HYCC1: variants seen among roughly 807,000 people sequenced by gnomAD.
HYCC1 encodes hyccin.
chr7:22,980,029 G>A, the HYCC1 span, among the ~76,000 whole-genome samples: 2 of 152,066 alleles, frequency 1.3e-5, no homozygotes, highest in African/African-American at 4.8e-5. Context: ...ACTTTCCACA[G>A]AAGGAAACTA....
the HYCC1 span, chr7:22,978,535 G>A: frequency 2.7e-6 from 3 of 1,113,794 alleles, no homozygotes; most frequent in South Asian, 4.1e-5. Flanking sequence ...TTCTCAGATT[G>A]GTAAAAATCA....
At chr7:22,897,334 T>C in the HYCC1 span, among the ~76,000 whole-genome samples, 1 of 152,206 alleles carries the variant, frequency 6.6e-6, no homozygotes, top group Non-Finnish European at 1.5e-5. Context: ...TGGAGAGTTT[T>C]AGCAGAGGAG....
the HYCC1 span, among the ~76,000 whole-genome samples, chr7:22,907,956 C>T: frequency 6.6e-6 from 1 of 152,082 alleles, no homozygotes; most frequent in Non-Finnish European, 1.5e-5. Context: ...TTCTTTCCCA[C>T]TACCACCCCC....
At chr7:22,979,749 A>C in the HYCC1 span, among the ~76,000 whole-genome samples, 1 of 152,308 alleles carries the variant, frequency 6.6e-6, no homozygotes, top group East Asian at 1.9e-4. Context: ...AGTTTGTATG[A>C]ACACATAATT....
the HYCC1 span, among the ~76,000 whole-genome samples, chr7:22,911,550 G>C: frequency 6.6e-6 from 1 of 152,170 alleles, no homozygotes; most frequent in South Asian, 2.1e-4. Flanking sequence ...ACGAGGTCAA[G>C]AGATGGAGAC....
chr7:22,919,298 G>A, the HYCC1 span, among the ~76,000 whole-genome samples: 1 of 152,206 alleles, frequency 6.6e-6, no homozygotes, highest in Non-Finnish European at 1.5e-5. Context: ...GGAGGCCAAG[G>A]CAGGGGGATC....
chr7:23,000,023 A>G, the HYCC1 span, among the ~76,000 whole-genome samples: 1 of 152,168 alleles, frequency 6.6e-6, no homozygotes, highest in Non-Finnish European at 1.5e-5. Flanking sequence ...CCACCAAGAA[A>G]GAAAATAAAA....
chr7:22,996,597 T>TAAAAAAAAAAAAAAAAAAAAAA, the HYCC1 span, among the ~76,000 whole-genome samples: 1 of 106,554 alleles, frequency 9.4e-6, no homozygotes. Context: ...GTACAATTGT[T>TAAAAAAAAAAAAAAAAAAAAAA]AAAAAAAAAA....
At chr7:22,958,999 C>T in the HYCC1 span, among the ~76,000 whole-genome samples, 12 of 152,154 alleles carry the variant, frequency 7.9e-5, no homozygotes, top group Non-Finnish European at 1.6e-4. Context: ...AAAAACCAAC[C>T]TCAGGGTAAA....
chr7:22,956,708 G>T, the HYCC1 span, among the ~76,000 whole-genome samples: 1 of 151,682 alleles, frequency 6.6e-6, no homozygotes, highest in African/African-American at 2.4e-5. Flanking sequence ...GGGTCATGAG[G>T]TATTTAAGAA....
At chr7:22,960,845 T>A in the HYCC1 span, among the ~76,000 whole-genome samples, 1 of 151,698 alleles carries the variant, frequency 6.6e-6, no homozygotes, top group South Asian at 2.1e-4. Flanking sequence ...AGGTCGGGAG[T>A]TTGAGATCAG....
the HYCC1 span, among the ~76,000 whole-genome samples, chr7:22,980,578 G>A: frequency 5.9e-5 from 9 of 152,160 alleles, no homozygotes; most frequent in Non-Finnish European, 1.0e-4. Flanking sequence ...TAAGGAAAAT[G>A]TTCTTTAATG....
At chr7:22,953,906 T>G in the HYCC1 span, among the ~76,000 whole-genome samples, 1 of 151,806 alleles carries the variant, frequency 6.6e-6, no homozygotes, top group African/African-American at 2.4e-5. Flanking sequence ...GCCAGATAAT[T>G]TTTTATTTTC....
chr7:22,975,580 AC>A, the HYCC1 span, among the ~76,000 whole-genome samples: 1 of 152,224 alleles, frequency 6.6e-6, no homozygotes, highest in East Asian at 1.9e-4. Context: ...AAAGAAGCCA[AC>A]CACATGCCAA....
At chr7:22,994,585 C>G in the HYCC1 span, among the ~76,000 whole-genome samples, 1 of 152,100 alleles carries the variant, frequency 6.6e-6, no homozygotes, top group Admixed American at 6.6e-5. Context: ...CTCTTATCTT[C>G]CACTTGATAG....
chr7:22,943,782 T>C, the HYCC1 span: 1 of 152,624 alleles, frequency 6.6e-6, no homozygotes, highest in Admixed American at 6.5e-5. Flanking sequence ...ACAGGGTTCC[T>C]ATTAAGTTAA....
At chr7:23,002,648 T>C in the HYCC1 span, among the ~76,000 whole-genome samples, 1 of 152,164 alleles carries the variant, frequency 6.6e-6, no homozygotes, top group Non-Finnish European at 1.5e-5. Context: ...AGGGGAAGTA[T>C]ATAAATTTTT....
At chr7:22,899,568 C>T in the HYCC1 span, among the ~76,000 whole-genome samples, 1 of 152,080 alleles carries the variant, frequency 6.6e-6, no homozygotes, top group Non-Finnish European at 1.5e-5. Context: ...GTAGCTGTAC[C>T]CTCCTATTAG....
chr7:22,959,283 T>G, the HYCC1 span, among the ~76,000 whole-genome samples: 1 of 152,170 alleles, frequency 6.6e-6, no homozygotes, highest in African/African-American at 2.4e-5. Context: ...GTGAAAACAA[T>G]GGCAACTGTT....
Sources: gnomAD v4.1 joint callset for allele counts (sites outside exome capture counted in the v4.1 genomes callset) on GRCh38, gnomAD v4.1.1 for gene constraint, MANE v1.5 for transcripts, NCBI Gene and HGNC (gene_info 2026-07-23, HGNC 2026-07-21) for gene names.